Variants in MTFR1 observed in about 807,000 individuals in gnomAD.
MTFR1 encodes the protein chondrocyte protein with a poly-proline region.
A neutral mutation model predicts 38.8 loss-of-function variants in MTFR1; 28 were observed. The observed-to-expected ratio is 0.72, with a 90% CI of 0.53 to 0.99. The LOEUF (loss-of-function observed/expected upper bound fraction) is 0.99. Ranked by LOEUF, MTFR1 falls within the 50% of genes least tolerant of loss-of-function variation. The probability of loss-of-function intolerance (pLI) is 0.00; values close to 1 mark genes in which losing one functional copy is unlikely to be tolerated. For missense variants in MTFR1, 358 were observed against 395.5 expected (o/e 0.91, Z 0.81); for synonymous variants, 145 against 137.0 (o/e 1.06, Z -0.41).
chr8:65,690,560 GT>G (rs11405043), intron 3 of MTFR1, among the ~76,000 whole-genome samples: 67 of 152,032 alleles, frequency 4.4e-4, no homozygotes, highest in African/African-American at 1.4e-3. Context: ...GTAGTACTTT[GT>G]TTTTTTGTTT....
At chr8:65,663,916 C>A (rs978485748) in intron 1 of MTFR1, among the ~76,000 whole-genome samples, 61 of 151,270 alleles carry the variant, frequency 4.0e-4, no homozygotes, top group African/African-American at 1.5e-3. Context: ...CAACCTCCGC[C>A]TCCTGGGCTC....
At chr8:65,714,101 G>A (rs917125192), downstream of MTFR1, among the ~76,000 whole-genome samples, 60 of 151,360 alleles carry the variant, frequency 4.0e-4, no homozygotes, top group African/African-American at 6.6e-4. Context: ...ACAGAAACCC[G>A]CCATATTATA....
chr8:65,719,887 T>G (rs1206979676), intron 3 of MTFR1: 1 of 239,244 alleles, frequency 4.2e-6, no homozygotes, highest in African/African-American at 2.2e-5. Context: ...GGGGTCTCCT[T>G]CAGGACTGAG....
intron 3 of MTFR1, among the ~76,000 whole-genome samples, chr8:65,735,055 A>C (rs973944885): frequency 3.3e-5 from 5 of 152,324 alleles, no homozygotes; most frequent in South Asian, 2.1e-4. Flanking sequence ...ACTCACATGT[A>C]TACCAAAAGA....
intron 3 of MTFR1, among the ~76,000 whole-genome samples, chr8:65,736,575 G>A (rs886430927): frequency 2.1e-4 from 32 of 151,936 alleles, no homozygotes; most frequent in African/African-American, 7.3e-4. Flanking sequence ...CCATTAGCAA[G>A]ACCTTGTCCC....
intron 3 of MTFR1, among the ~76,000 whole-genome samples, chr8:65,729,364 C>CTTTTTTTTTTTTTT (rs10540107): frequency 1.2e-5 from 1 of 80,076 alleles, no homozygotes; most frequent in Non-Finnish European, 2.3e-5. Context: ...TTGGTGGTAG[C>CTTTTTTTTTTTTTT]TTTTTTTTTT....
chr8:65,752,526 G>A (rs1808014801), intron 3 of MTFR1, among the ~76,000 whole-genome samples: 1 of 152,126 alleles, frequency 6.6e-6, no homozygotes, highest in Non-Finnish European at 1.5e-5. Flanking sequence ...AGGCAAACCT[G>A]TTATTTTTGC....
At chr8:65,737,537 T>C (rs1387196462) in intron 3 of MTFR1, among the ~76,000 whole-genome samples, 3 of 152,072 alleles carry the variant, frequency 2.0e-5, no homozygotes, top group Non-Finnish European at 2.9e-5. Context: ...CAGAGTCTCA[T>C]TCTGTTGCCC....
intron 2 of MTFR1, among the ~76,000 whole-genome samples, chr8:65,681,836 G>C (rs1804904626): frequency 6.6e-6 from 1 of 152,196 alleles, no homozygotes; most frequent in African/African-American, 2.4e-5. Flanking sequence ...TTCAGCCTTT[G>C]CTCACCCTTG....
intron 3 of MTFR1, chr8:65,721,746 A>C (rs1406446482): frequency 6.6e-6 from 1 of 152,102 alleles, no homozygotes; most frequent in African/African-American, 2.4e-5. Context: ...TATTAAAAGT[A>C]ACTGAGTTGA....
chr8:65,688,754 T>C (rs1805179360), intron 3 of MTFR1, among the ~76,000 whole-genome samples: 1 of 151,904 alleles, frequency 6.6e-6, no homozygotes, highest in African/African-American at 2.4e-5. Flanking sequence ...CTGCTTTTAG[T>C]TTTTCTTAGC....
At chr8:65,686,784 G>A (rs1206031075) in intron 3 of MTFR1, among the ~76,000 whole-genome samples, 2 of 151,892 alleles carry the variant, frequency 1.3e-5, no homozygotes, top group Non-Finnish European at 2.9e-5. Flanking sequence ...TTAGCCGGGC[G>A]TGGTGGCAAG....
At chr8:65,648,299 G>A (rs1352765157) in intron 1 of MTFR1, among the ~76,000 whole-genome samples, 1 of 152,176 alleles carries the variant, frequency 6.6e-6, no homozygotes, top group East Asian at 1.9e-4. Flanking sequence ...TTACAGGCGT[G>A]AGTCACCATG....
chr8:65,773,694 T>C (rs1003586232), downstream of MTFR1, among the ~76,000 whole-genome samples: 1 of 152,228 alleles, frequency 6.6e-6, no homozygotes, highest in African/African-American at 2.4e-5. Flanking sequence ...TCTTGTCTTT[T>C]AGATTTATTT....
At chr8:65,661,970 A>G (rs1358440513) in intron 1 of MTFR1, among the ~76,000 whole-genome samples, 1 of 151,152 alleles carries the variant, frequency 6.6e-6, no homozygotes, top group East Asian at 2.0e-4. Flanking sequence ...TCTCAAAACA[A>G]ACAAACAAAC....
chr8:65,735,074 C>G (rs1177102832), intron 3 of MTFR1, among the ~76,000 whole-genome samples: 1 of 152,104 alleles, frequency 6.6e-6, no homozygotes, highest in Non-Finnish European at 1.5e-5. Context: ...GAATCAATAT[C>G]AATTTGACTC....
At chr8:65,724,215 G>C in intron 3 of MTFR1, 1 of 1,271,302 alleles carries the variant, frequency 7.9e-7, no homozygotes, top group Non-Finnish European at 1.1e-6. Flanking sequence ...AAAAAAAAAT[G>C]AACTGGATAG....
At chr8:65,738,382 A>G (rs1002708352) in intron 3 of MTFR1, among the ~76,000 whole-genome samples, 3 of 152,220 alleles carry the variant, frequency 2.0e-5, no homozygotes, top group African/African-American at 7.2e-5. Context: ...CTTCAAACTC[A>G]GAGCAGCAAA....
At chr8:65,720,952 A>G (rs548666381) in intron 3 of MTFR1, among the ~76,000 whole-genome samples, 33 of 152,158 alleles carry the variant, frequency 2.2e-4, no homozygotes, top group African/African-American at 7.7e-4. Flanking sequence ...CATTCATCTT[A>G]TTTCATCCCT....
Sources: gnomAD v4.1 joint callset for allele counts (sites outside exome capture counted in the v4.1 genomes callset) on GRCh38, gnomAD v4.1.1 for gene constraint, MANE v1.5 for transcripts, NCBI Gene and HGNC (gene_info 2026-07-23, HGNC 2026-07-21) for gene names.